VWC2: variants seen among roughly 807,000 people sequenced by gnomAD.
VWC2 encodes the protein von Willebrand factor C domain containing 2.
VWC2 carries 14 observed loss-of-function variants against 29.8 expected under a neutral mutation model. The observed-to-expected ratio is 0.47, with a 90% CI of 0.31 to 0.74. The LOEUF (loss-of-function observed/expected upper bound fraction) is 0.74, where lower values mean the gene tolerates loss of function less well. Ranked by LOEUF, VWC2 falls within the 30% of genes least tolerant of loss-of-function variation. VWC2 has a pLI of 0.05. For synonymous variants in VWC2, 213 were observed against 199.0 expected, an observed-to-expected ratio of 1.07 and a Z score of -0.59; for missense variants, 457 against 459.8, an observed-to-expected ratio of 0.99 and a Z score of 0.05.
At chr7:49,849,333 C>T (rs975385030) in intron 3 of VWC2, among the ~76,000 whole-genome samples, 2 of 152,154 alleles carry the variant, frequency 1.3e-5, no homozygotes, top group Admixed American at 1.3e-4. Context: ...GATGAACTGG[C>T]TGGGGGCAGC....
chr7:49,868,128 C>T (rs187183986), intron 3 of VWC2, among the ~76,000 whole-genome samples: 1 of 152,322 alleles, frequency 6.6e-6, no homozygotes, highest in East Asian at 1.9e-4. Context: ...GCCACTGTGC[C>T]TGTCCAAGGA....
intron 3 of VWC2, among the ~76,000 whole-genome samples, chr7:49,839,051 A>C (rs891774408): frequency 3.9e-5 from 6 of 152,226 alleles, no homozygotes; most frequent in Admixed American, 2.0e-4. Flanking sequence ...TTATGTAAGA[A>C]GATAAAGAGA....
At chr7:49,807,850 T>C (rs898361231) in intron 3 of VWC2, among the ~76,000 whole-genome samples, 76 of 152,282 alleles carry the variant, frequency 5.0e-4, no homozygotes, top group African/African-American at 1.7e-3. Context: ...TGAGAAAATA[T>C]TTGCAATATG....
chr7:49,774,656 C>T lies in VWC2; in HGVS notation c.-104+543C>T, dbSNP rs945680135. Among the ~76,000 whole-genome samples, 5 of 152,260 alleles carry T rather than the reference C, an allele frequency of 3.3e-5. No individual in the cohort carries two copies. The South Asian group carries it at 1.0e-3, about 32-fold the overall frequency. ...GCTCCCAAGGCTCGGAGGGGCGGGC[C>T]GGCAGAGGAGCTGAAGCCCCGGGAA... On this transcript the variant is annotated intron_variant, in intron 1 of 3. Coordinates refer to ENST00000340652, the MANE Select transcript of VWC2 (RefSeq NM_198570.5).
intron 3 of VWC2, among the ~76,000 whole-genome samples, chr7:49,840,806 C>A (rs1441564100): frequency 6.6e-6 from 1 of 152,098 alleles, no homozygotes; most frequent in Admixed American, 6.5e-5. Flanking sequence ...ATTTCAGGTT[C>A]GCAGTGAGTC....
At chr7:49,815,441 G>A (rs1315532876) in intron 3 of VWC2, among the ~76,000 whole-genome samples, 1 of 152,092 alleles carries the variant, frequency 6.6e-6, no homozygotes, top group Admixed American at 6.5e-5. Context: ...TTTTAAAAAA[G>A]GTTGTGTAAA....
At chr7:49,894,248 C>G (rs1792269447) in intron 3 of VWC2, among the ~76,000 whole-genome samples, 1 of 152,216 alleles carries the variant, frequency 6.6e-6, no homozygotes, top group Non-Finnish European at 1.5e-5. Flanking sequence ...CCTCGACCAC[C>G]CAGGCTCAGG....
chr7:49,855,135 G>A (rs1336845209), intron 3 of VWC2, among the ~76,000 whole-genome samples: 2 of 152,160 alleles, frequency 1.3e-5, no homozygotes, highest in African/African-American at 4.8e-5. Context: ...TATGTGAAAG[G>A]CCTGCTCACA....
chr7:49,782,190 C>T (rs568317898), intron 2 of VWC2, among the ~76,000 whole-genome samples: 11 of 152,290 alleles, frequency 7.2e-5, no homozygotes, highest in South Asian at 2.1e-4. Flanking sequence ...AGGGCTGCCC[C>T]TTTGGGAGGG....
chr7:49,799,067 G>A (rs1384722395), intron 2 of VWC2, among the ~76,000 whole-genome samples: 1 of 152,212 alleles, frequency 6.6e-6, no homozygotes, highest in Non-Finnish European at 1.5e-5. Context: ...TCAGGGGGTT[G>A]GCATGGCTGA....
intron 3 of VWC2, among the ~76,000 whole-genome samples, chr7:49,858,307 A>C (rs1030549033): frequency 6.6e-6 from 1 of 152,090 alleles, no homozygotes; most frequent in Non-Finnish European, 1.5e-5. Context: ...AACCAACCCA[A>C]ATGTCCAACA....
At chr7:49,858,448 C>T (rs1361746318) in intron 3 of VWC2, among the ~76,000 whole-genome samples, 3 of 151,480 alleles carry the variant, frequency 2.0e-5, no homozygotes, top group South Asian at 2.1e-4. Context: ...AGCAAACTAT[C>T]GCAAGGACAA....
chr7:49,812,561 A>G lies in VWC2; in HGVS notation c.826+9721A>G, dbSNP rs574016082. On this transcript the variant is annotated intron_variant, in intron 3 of 3. Transcript: ENST00000340652. ...GCCAGTGTTAAAATAGAAACTTTAG[A>G]CAAATTAAACTTAAGAGTTTATTTG... is the stretch of plus-strand genomic sequence containing the variant. 6.6e-5 allele frequency among the ~76,000 whole-genome samples: 10 copies of G among 152,366 alleles called. No individual in the cohort carries two copies. In the East Asian group the frequency reaches 1.9e-3, roughly 29 times the overall value.
At chr7:49,781,016 C>G (rs542928469) in intron 2 of VWC2, among the ~76,000 whole-genome samples, 21 of 152,332 alleles carry the variant, frequency 1.4e-4, no homozygotes, top group African/African-American at 4.8e-4. Context: ...GTTATTCACA[C>G]TTTTCAGTCT....
intron 3 of VWC2, among the ~76,000 whole-genome samples, chr7:49,902,187 G>A (rs141251401): frequency 6.6e-6 from 1 of 151,720 alleles, no homozygotes; most frequent in Non-Finnish European, 1.5e-5. Context: ...TTGATGGGCT[G>A]GCCTCCATTA....
chr7:49,790,942 T>G (rs946303884), intron 2 of VWC2, among the ~76,000 whole-genome samples: 3 of 152,112 alleles, frequency 2.0e-5, no homozygotes, highest in African/African-American at 7.2e-5. Flanking sequence ...CAGAGCCATT[T>G]GCGCTCCAGG....
intron 2 of VWC2, among the ~76,000 whole-genome samples, chr7:49,796,848 A>G (rs935495734): frequency 6.6e-6 from 1 of 152,218 alleles, no homozygotes; most frequent in African/African-American, 2.4e-5. Context: ...AGCTCCTTAA[A>G]TGCTACTCAT....
rs547114868 is a variant in VWC2 at position 49,781,528 on chromosome 7, T to A, written c.696+5397T>A. ...TCTTTATTTTTAAAGGAGAGAAAAC[T>A]AAGGTCCGAAAAAGTTAAATAGCTT... On this transcript the variant is annotated intron_variant, in intron 2 of 3. Transcript: ENST00000340652. Among the ~76,000 whole-genome samples the A allele has an allele frequency of 1.6e-4, 24 of 152,226 alleles. No individual in the cohort carries two copies. In the East Asian group the frequency reaches 4.2e-3, roughly 27 times the overall value.
intron 3 of VWC2, among the ~76,000 whole-genome samples, chr7:49,893,768 G>T (rs1453396555): frequency 1.3e-5 from 2 of 152,076 alleles, no homozygotes; most frequent in Non-Finnish European, 1.5e-5. Context: ...TTTACATTTG[G>T]CAGTCAGAGC....
Sources: allele counts gnomAD v4.1 joint callset (sites outside exome capture counted in the v4.1 genomes callset), GRCh38; gene constraint gnomAD v4.1.1; transcripts MANE v1.5; gene names NCBI Gene and HGNC (gene_info 2026-07-23, HGNC 2026-07-21).